Variants in SCG5 observed in about 807,000 individuals in gnomAD.
SCG5 encodes neuroendocrine protein 7B2.
SCG5 carries 18 observed loss-of-function variants against 25.7 expected under a neutral mutation model. That is an observed-to-expected ratio of 0.70 (90% CI 0.48 to 1.04). SCG5 has a LOEUF of 1.04. SCG5 is among the 50% of genes least tolerant of loss of function. The pLI is 0.00. For missense variants in SCG5, 206 were observed against 259.8 expected (o/e 0.79, Z 1.42); for synonymous variants, 101 against 91.7 (o/e 1.10, Z -0.58).
At chr15:32,672,239 C>T (rs2054439641) in intron 2 of SCG5, among the ~76,000 whole-genome samples, 1 of 152,372 alleles carries the variant, frequency 6.6e-6, no homozygotes, top group African/African-American at 2.4e-5. Flanking sequence ...TCCCTTTTTA[C>T]GAGGTGGGCG....
chr15:32,686,480 A>T (rs1459184326), intron 4 of SCG5, among the ~76,000 whole-genome samples: 1 of 152,210 alleles, frequency 6.6e-6, no homozygotes, highest in Admixed American at 6.5e-5. Flanking sequence ...ATATAACATG[A>T]AGAAGAAAGA....
intron 4 of SCG5, among the ~76,000 whole-genome samples, chr15:32,684,970 GTT>G (rs2054680304): frequency 6.6e-6 from 1 of 152,030 alleles, no homozygotes; most frequent in Admixed American, 6.5e-5. Flanking sequence ...TTTCACCAGT[GTT>G]TCATGCATCT....
chr15:32,671,428 A>G (rs1213340099), intron 2 of SCG5, among the ~76,000 whole-genome samples: 1 of 152,112 alleles, frequency 6.6e-6, no homozygotes, highest in Non-Finnish European at 1.5e-5. Context: ...AGACATCTAA[A>G]ATATGAAGTT....
At chr15:32,669,867 C>T (rs1259892242) in intron 2 of SCG5, among the ~76,000 whole-genome samples, 2 of 133,006 alleles carry the variant, frequency 1.5e-5, no homozygotes, top group African/African-American at 5.7e-5. Context: ...AACACCGCTT[C>T]AGAAAAAAAA....
At chr15:32,686,913 A>T (rs890145227) in intron 4 of SCG5, among the ~76,000 whole-genome samples, 14 of 152,228 alleles carry the variant, frequency 9.2e-5, no homozygotes, top group African/African-American at 3.1e-4. Context: ...TTATTAGGGA[A>T]GATGGAAGAC....
intron 2 of SCG5, among the ~76,000 whole-genome samples, chr15:32,679,094 C>T (rs553054275): frequency 6.6e-6 from 1 of 152,326 alleles, no homozygotes; most frequent in East Asian, 1.9e-4. Context: ...GCCCAGCTTC[C>T]AGAGCCCTAC....
chr15:32,693,607 C>T (rs761914045), intron 5 of SCG5, among the ~76,000 whole-genome samples: 9 of 152,306 alleles, frequency 5.9e-5, no homozygotes, highest in Middle Eastern at 3.4e-3. Flanking sequence ...AGAAACTATA[C>T]GCTTTCTTTT....
intron 3 of SCG5, 85 bp downstream of exon 3, chr15:32,680,000 C>T (rs1393252311): frequency 1.6e-6 from 2 of 1,264,478 alleles, no homozygotes; most frequent in African/African-American, 3.0e-5. Context: ...CAAATATTCC[C>T]AGAAATTGTT....
At chr15:32,678,701 G>A (rs1390782730) in intron 2 of SCG5, among the ~76,000 whole-genome samples, 2 of 152,120 alleles carry the variant, frequency 1.3e-5, no homozygotes, top group African/African-American at 4.8e-5. Flanking sequence ...AATCTATCCT[G>A]AGGAAAATTA....
intron 4 of SCG5, among the ~76,000 whole-genome samples, chr15:32,689,841 CTT>C (rs537073829): frequency 1.5e-4 from 20 of 134,998 alleles, no homozygotes; most frequent in Non-Finnish European, 1.3e-4. Flanking sequence ...TTTTGCATTT[CTT>C]TTTTTTTTTT....
intron 2 of SCG5, among the ~76,000 whole-genome samples, chr15:32,663,397 T>C (rs1364877823): frequency 2.0e-5 from 3 of 152,022 alleles, no homozygotes; most frequent in Non-Finnish European, 2.9e-5. Flanking sequence ...TTCTGGACAT[T>C]TCATATAAAT....
intron 2 of SCG5, among the ~76,000 whole-genome samples, chr15:32,658,147 G>T (rs2054156382): frequency 6.6e-6 from 1 of 152,136 alleles, no homozygotes; most frequent in Non-Finnish European, 1.5e-5. Context: ...GATACAAACT[G>T]ATATCCAGGG....
At chr15:32,690,443 CA>C (rs2054829945) in intron 4 of SCG5, among the ~76,000 whole-genome samples, 1 of 152,226 alleles carries the variant, frequency 6.6e-6, no homozygotes, top group Admixed American at 6.5e-5. Flanking sequence ...AGCCTCACAG[CA>C]ATATCCTCAT....
intron 2 of SCG5, among the ~76,000 whole-genome samples, chr15:32,678,245 A>G (rs968052026): frequency 6.6e-6 from 1 of 152,228 alleles, no homozygotes; most frequent in Non-Finnish European, 1.5e-5. Context: ...TTAGCAAAAT[A>G]CTATAATAGT....
intron 2 of SCG5, among the ~76,000 whole-genome samples, chr15:32,658,276 G>A (rs995388617): frequency 5.3e-5 from 8 of 151,998 alleles, no homozygotes; most frequent in Admixed American, 2.0e-4. Context: ...ATGCATAGCT[G>A]CAACCTACTA....
intron 2 of SCG5, chr15:32,656,234 G>A (rs2054114640): frequency 6.6e-6 from 1 of 152,194 alleles, no homozygotes; most frequent in Non-Finnish European, 1.5e-5. Flanking sequence ...AGACATATCT[G>A]TTCAAAACTC....
intron 4 of SCG5, among the ~76,000 whole-genome samples, chr15:32,685,855 C>T (rs951583383): frequency 5.3e-5 from 8 of 152,244 alleles, no homozygotes; most frequent in African/African-American, 1.9e-4. Flanking sequence ...CCAACTCCCT[C>T]AGCCCTTCTA....
chr15:32,670,700 T>C (rs1172327635), intron 2 of SCG5, among the ~76,000 whole-genome samples: 2 of 152,268 alleles, frequency 1.3e-5, no homozygotes, highest in Admixed American at 1.3e-4. Flanking sequence ...TGTGTGTTTA[T>C]GTGGACATAT....
chr15:32,644,694 G>T lies in SCG5; in HGVS notation c.226+876G>T, dbSNP rs2053915853. 2.6e-5 allele frequency among the ~76,000 whole-genome samples: 4 copies of T among 152,300 alleles called. No homozygotes were observed. The South Asian group carries it at 8.3e-4, about 32-fold the overall frequency. ...ACTAAGGCAGAATCCTAAAGAAGTA[G>T]CATGGTTAATTTCAGTTAAATGCAA... On this transcript the variant is annotated intron_variant, in intron 2 of 5. Transcript: ENST00000300175.
Sources: allele counts gnomAD v4.1 joint callset (sites outside exome capture counted in the v4.1 genomes callset), GRCh38; gene constraint gnomAD v4.1.1; transcripts MANE v1.5; gene names NCBI Gene and HGNC (gene_info 2026-07-23, HGNC 2026-07-21).